The following KCNT2 variants were observed in gnomAD, a reference collection of about 807,000 sequenced individuals.
KCNT2 encodes potassium sodium-activated channel subfamily T member 2.
A neutral mutation model predicts 153.8 loss-of-function variants in KCNT2; 67 were observed. The ratio of observed to expected loss-of-function variants is 0.44; its 90% CI spans 0.36 to 0.53. The LOEUF (loss-of-function observed/expected upper bound fraction) is 0.53. Among genes scored for constraint, KCNT2 ranks in the 20% least tolerant of loss-of-function variants. The pLI is 0.00. For missense variants in KCNT2, 975 were observed against 1,354.8 expected (o/e 0.72, Z 4.40); for synonymous variants, 500 against 458.8 (o/e 1.09, Z -1.15).
chr1:196,593,001 T>C lies in KCNT2; in HGVS notation c.95+15214A>G, dbSNP rs1033456112. 2.7e-5 allele frequency among the ~76,000 whole-genome samples: 4 copies of C among 150,636 alleles called. 1 individual carries two copies. Among genetic ancestry groups the C allele is most frequent in the African/African-American group, 9.7e-5 (4 of 41,340 alleles). Reference sequence around the variant, plus strand: ...ATGAGGAAGTTCTTTAGTGGTGATTTGTAAGATTTTGGTGCACCCATCACC... The same window carrying C: ...ATGAGGAAGTTCTTTAGTGGTGATTCGTAAGATTTTGGTGCACCCATCACC... On this transcript the variant is annotated intron_variant, in intron 1 of 27. Transcript: ENST00000294725.
intron 25 of KCNT2, among the ~76,000 whole-genome samples, chr1:196,261,964 T>C (rs74755828): frequency 0.027 from 4,170 of 151,952 alleles, 188 homozygotes; most frequent in African/African-American, 0.095. Context: ...ACTCCAACAA[T>C]TTCCATACAA....
At chr1:196,520,614 A>T (rs764162954) in intron 1 of KCNT2, among the ~76,000 whole-genome samples, 1 of 152,146 alleles carries the variant, frequency 6.6e-6, no homozygotes, top group Non-Finnish European at 1.5e-5. Flanking sequence ...AGACCAATGA[A>T]ACATGGTAGA....
At chr1:196,233,406 A>G (rs1456308470) in intron 27 of KCNT2, among the ~76,000 whole-genome samples, 7 of 151,424 alleles carry the variant, frequency 4.6e-5, no homozygotes, top group African/African-American at 1.7e-4. Flanking sequence ...TTTTCCTAAT[A>G]AGTTTTTGAA....
chr1:196,352,450 A>G (rs1490702689), intron 14 of KCNT2, among the ~76,000 whole-genome samples: 2 of 152,200 alleles, frequency 1.3e-5, no homozygotes, highest in East Asian at 3.9e-4. Context: ...GTATGTGTCA[A>G]GGAATTTATC....
intron 25 of KCNT2, chr1:196,259,462 C>G (rs557593004): frequency 1.3e-5 from 2 of 152,070 alleles, no homozygotes; most frequent in Non-Finnish European, 2.9e-5. Context: ...TTCCTGAATA[C>G]TATTGTACTT....
At chr1:196,525,463 C>G (rs1021417094) in intron 1 of KCNT2, among the ~76,000 whole-genome samples, 4 of 152,072 alleles carry the variant, frequency 2.6e-5, no homozygotes, top group African/African-American at 9.7e-5. Flanking sequence ...TGTGATATAC[C>G]TTACAGAGAA....
Position 196,480,129 on chromosome 1 carries a change from A to T in KCNT2, c.325-891T>A, listed in dbSNP as rs572390362. Among the ~76,000 whole-genome samples the T allele has an allele frequency of 9.3e-5, 14 of 151,210 alleles. No individual in the cohort carries two copies. In the South Asian group the frequency reaches 2.9e-3, roughly 31 times the overall value. ...GCCACAAAAAGTAACTAGAAAAAATAATAAAATTATTCTGTGTTAAATACT... is the reference window on the plus strand; with the variant it reads ...GCCACAAAAAGTAACTAGAAAAAATTATAAAATTATTCTGTGTTAAATACT... On this transcript the variant is annotated intron_variant, in intron 4 of 27. Transcript: ENST00000294725.
chr1:196,349,147 G>A (rs1666400394), intron 14 of KCNT2, among the ~76,000 whole-genome samples: 1 of 151,866 alleles, frequency 6.6e-6, no homozygotes, highest in Non-Finnish European at 1.5e-5. Flanking sequence ...TGTCTTAATG[G>A]AAAAAAATTA....
chr1:196,416,168 T>C (rs986041089), intron 12 of KCNT2, among the ~76,000 whole-genome samples: 1 of 150,200 alleles, frequency 6.7e-6, no homozygotes, highest in Non-Finnish European at 1.5e-5. Context: ...AGTTATCACA[T>C]TGGCTCTTGA....
intron 1 of KCNT2, among the ~76,000 whole-genome samples, chr1:196,494,532 G>A (rs1201845667): frequency 6.6e-6 from 1 of 151,994 alleles, no homozygotes; most frequent in Non-Finnish European, 1.5e-5. Context: ...TCCAGTAGCC[G>A]GGACTACAGG....
At chr1:196,328,211 C>G (rs1664077268) in intron 18 of KCNT2, among the ~76,000 whole-genome samples, 2 of 152,086 alleles carry the variant, frequency 1.3e-5, no homozygotes, top group Admixed American at 6.6e-5. Context: ...ATCTATTTCT[C>G]TGTATCTTCT....
At chr1:196,441,590 T>C (rs1675233802) in intron 8 of KCNT2, among the ~76,000 whole-genome samples, 2 of 151,546 alleles carry the variant, frequency 1.3e-5, no homozygotes, top group African/African-American at 4.8e-5. Context: ...TAGAATATAC[T>C]TCTTTAAACA....
intron 14 of KCNT2, among the ~76,000 whole-genome samples, chr1:196,358,729 C>G (rs1055235090): frequency 9.2e-5 from 14 of 151,936 alleles, no homozygotes; most frequent in African/African-American, 3.4e-4. Flanking sequence ...AAGTAACACC[C>G]AACCTTAGCT....
intron 22 of KCNT2, among the ~76,000 whole-genome samples, chr1:196,294,161 C>A (rs1452211743): frequency 6.6e-6 from 1 of 152,160 alleles, no homozygotes; most frequent in African/African-American, 2.4e-5. Context: ...GATATCACCT[C>A]ATACCTGTTA....
chr1:196,492,205 G>T, intron 2 of KCNT2, 57 bp downstream of exon 2: 1 of 1,347,712 alleles, frequency 7.4e-7, no homozygotes, highest in South Asian at 1.5e-5. Context: ...TCACACAGTT[G>T]AAATATTTTG....
At chr1:196,428,050 G>T in intron 10 of KCNT2, 55 bp downstream of exon 10, 1 of 1,369,256 alleles carries the variant, frequency 7.3e-7, no homozygotes, top group South Asian at 1.3e-5. Flanking sequence ...AATTGACTTT[G>T]ACAATATGTT....
At chr1:196,407,287 A>AT (rs1245748808) in intron 12 of KCNT2, among the ~76,000 whole-genome samples, 1 of 151,484 alleles carries the variant, frequency 6.6e-6, no homozygotes, top group Non-Finnish European at 1.5e-5. Flanking sequence ...TAGTAAAGTG[A>AT]TTCGTAAAGA....
chr1:196,292,479 C>A (rs1660271071), intron 22 of KCNT2, among the ~76,000 whole-genome samples: 1 of 152,098 alleles, frequency 6.6e-6, no homozygotes, highest in Admixed American at 6.6e-5. Context: ...CCAGAGCAAT[C>A]AGACAAGAAA....
chr1:196,446,637 T>G (rs1030832320), intron 8 of KCNT2, among the ~76,000 whole-genome samples: 1 of 151,542 alleles, frequency 6.6e-6, no homozygotes, highest in African/African-American at 2.4e-5. Flanking sequence ...AAATTAGACA[T>G]ATCTTCATTT....
Sources: gnomAD v4.1 joint callset for allele counts (sites outside exome capture counted in the v4.1 genomes callset) on GRCh38, gnomAD v4.1.1 for gene constraint, MANE v1.5 for transcripts, NCBI Gene and HGNC (gene_info 2026-07-23, HGNC 2026-07-21) for gene names.